The following PHACTR1 variants were observed in gnomAD, a reference collection of about 807,000 sequenced individuals.
The protein encoded by PHACTR1 is phosphatase and actin regulator 1.
PHACTR1 carries 16 observed loss-of-function variants against 69.2 expected under a neutral mutation model. That is an observed-to-expected ratio of 0.23 (90% CI 0.16 to 0.35). PHACTR1 has a LOEUF of 0.35. Ranked by LOEUF, PHACTR1 falls within the 10% of genes least tolerant of loss-of-function variation. PHACTR1 has a pLI of 1.00. For synonymous variants in PHACTR1, 312 were observed against 284.5 expected (o/e 1.10, Z -0.97); for missense variants, 510 against 734.7 (o/e 0.69, Z 3.54).
chr6:12,841,597 AT>A (rs1417452985), intron 4 of PHACTR1, among the ~76,000 whole-genome samples: 1 of 152,240 alleles, frequency 6.6e-6, no homozygotes, highest in Non-Finnish European at 1.5e-5. Context: ...GGAAAATCAA[AT>A]TTCCAGCATG....
At chr6:13,021,578 T>G (rs1800978511) in intron 4 of PHACTR1, among the ~76,000 whole-genome samples, 1 of 152,220 alleles carries the variant, frequency 6.6e-6, no homozygotes, top group African/African-American at 2.4e-5. Flanking sequence ...ACTCCATGTT[T>G]AACCATTTGA....
chr6:13,027,555 CA>C (rs869162293), intron 4 of PHACTR1, among the ~76,000 whole-genome samples: 2 of 72,732 alleles, frequency 2.7e-5, no homozygotes, highest in Non-Finnish European at 4.2e-5. Flanking sequence ...GCTCTGATTA[CA>C]CTGTGAGAAA....
At chr6:13,261,371 G>A (rs1239854550) in intron 10 of PHACTR1, among the ~76,000 whole-genome samples, 1 of 152,206 alleles carries the variant, frequency 6.6e-6, no homozygotes, top group African/African-American at 2.4e-5. Flanking sequence ...AAGTCACCAA[G>A]TAGCATCCAT....
At chr6:12,824,017 T>C (rs577534506) in intron 4 of PHACTR1, among the ~76,000 whole-genome samples, 1 of 152,156 alleles carries the variant, frequency 6.6e-6, no homozygotes, top group African/African-American at 2.4e-5. Flanking sequence ...GGAAGTGAGC[T>C]GCATAGCAGG....
At chr6:12,794,849 C>G (rs190671860) in intron 4 of PHACTR1, among the ~76,000 whole-genome samples, 4 of 151,900 alleles carry the variant, frequency 2.6e-5, no homozygotes, top group African/African-American at 9.7e-5. Flanking sequence ...GAGTGGGGAA[C>G]GTAGAGGGGA....
intron 4 of PHACTR1, among the ~76,000 whole-genome samples, chr6:12,977,766 T>C (rs1005203184): frequency 3.3e-5 from 5 of 152,198 alleles, no homozygotes; most frequent in African/African-American, 1.2e-4. Flanking sequence ...CTTTTAAAAG[T>C]GAGGCTTTTA....
intron 3 of PHACTR1, among the ~76,000 whole-genome samples, chr6:12,737,801 G>A (rs148240967): frequency 1.5e-3 from 231 of 151,994 alleles, no homozygotes; most frequent in African/African-American, 5.2e-3. Context: ...TCATTATGTT[G>A]TACAGGCTGG....
chr6:12,963,147 G>A (rs1792968411), intron 4 of PHACTR1, among the ~76,000 whole-genome samples: 1 of 152,226 alleles, frequency 6.6e-6, no homozygotes, highest in African/African-American at 2.4e-5. Flanking sequence ...TCATAGCTGA[G>A]GTATTCTCAC....
At chr6:12,768,318 G>A (rs1360052646) in intron 4 of PHACTR1, among the ~76,000 whole-genome samples, 1 of 152,010 alleles carries the variant, frequency 6.6e-6, no homozygotes, top group African/African-American at 2.4e-5. Flanking sequence ...GTTTCACCGT[G>A]TTAGACAGGA....
chr6:12,857,927 T>A (rs987035936), intron 4 of PHACTR1, among the ~76,000 whole-genome samples: 1 of 152,164 alleles, frequency 6.6e-6, no homozygotes, highest in African/African-American at 2.4e-5. Flanking sequence ...TTCACAGTCA[T>A]CTTAGTGAGG....
At position 13,058,352 on chromosome 6, in the gene PHACTR1, C is replaced by T. The variant is rs561982079; in HGVS notation, c.415+4823C>T. ...AAAATCATAAGCTGCAGGGGTTGGCCGTGGAAATCTACAATGTGTCAGAAT... is the reference window on the plus strand; with the variant it reads ...AAAATCATAAGCTGCAGGGGTTGGCTGTGGAAATCTACAATGTGTCAGAAT... On this transcript the variant is annotated intron_variant, in intron 5 of 14. Transcript: ENST00000332995. Among the ~76,000 whole-genome samples the T allele has an allele frequency of 4.7e-4, 72 of 152,096 alleles. 1 individual carries two copies. The South Asian group carries it at 0.013, about 28-fold the overall frequency.
rs962787619 is a variant in PHACTR1, at chr6:13,251,572, C to T, written c.1392-21288C>T. ...TGTGTGTTGAGTGTATTTGATGTGA[C>T]CGGAATGTGAGAAAATAAAACAAAA... is the stretch of plus-strand genomic sequence containing the variant. On this transcript the variant is annotated intron_variant, in intron 10 of 14. Transcript: ENST00000332995. Among the ~76,000 whole-genome samples, 3 of 152,082 alleles carry T rather than the reference C, an allele frequency of 2.0e-5. No homozygotes were observed. The East Asian group carries it at 5.8e-4, about 29-fold the overall frequency.
At chr6:12,717,765 G>GTACC (rs1761574503) in intron 2 of PHACTR1, 22 bp downstream of exon 2, 1 of 152,076 alleles carries the variant, frequency 6.6e-6, no homozygotes, top group Non-Finnish European at 1.5e-5. Flanking sequence ...TGCTATTGGG[G>GTACC]TACCTTTGGG....
intron 5 of PHACTR1, among the ~76,000 whole-genome samples, chr6:13,107,940 T>C (rs1027507676): frequency 1.1e-4 from 16 of 152,134 alleles, no homozygotes; most frequent in African/African-American, 3.6e-4. Flanking sequence ...GGAATTCAAT[T>C]TGATTTCGCT....
chr6:13,284,004 G>A lies in PHACTR1; in HGVS notation c.1650+442G>A, dbSNP rs76255861. The A allele has an allele frequency of 3.6e-4, 61 of 167,156 alleles. No individual in the cohort carries two copies. The East Asian group carries it at 9.7e-3, about 27-fold the overall frequency. 10.4% of individuals were successfully genotyped at this position (167,156 alleles called of 1,614,324 possible). On this transcript the variant is annotated intron_variant, in intron 13 of 14. Transcript: ENST00000332995. Reference sequence around the variant, plus strand: ...GAAATAGGGCATAAATCAAAGAGACGTCGCAAAACATATCTCACTGCACTA... The same window carrying A: ...GAAATAGGGCATAAATCAAAGAGACATCGCAAAACATATCTCACTGCACTA...
chr6:13,193,371 A>ATATATATATATATAT lies in PHACTR1; in HGVS notation c.664+10699_664+10700insTTATATATATATATA, dbSNP rs1274719440. Among the ~76,000 whole-genome samples the ATATATATATATATAT allele has an allele frequency of 8.4e-4, 89 of 106,502 alleles. 7 individuals carry two copies. The highest frequency in any genetic ancestry group is 4.0e-3 in the Admixed American group (43 of 10,752). 69.9% of individuals were successfully genotyped at this position (106,502 alleles called of 152,430 possible). On this transcript the variant is annotated intron_variant, in intron 7 of 14. Coordinates refer to ENST00000332995, the MANE Select transcript of PHACTR1 (RefSeq NM_030948.6). ...TAGCTCTCTGTGTATATATATATAT[A>ATATATATATATATAT]TATATATATATATAGTTTTGGGGAG... is the stretch of plus-strand genomic sequence containing the variant.
chr6:13,221,862 C>G (rs1008664638), intron 8 of PHACTR1, among the ~76,000 whole-genome samples: 2 of 152,114 alleles, frequency 1.3e-5, no homozygotes, highest in African/African-American at 4.8e-5. Context: ...ATGGTGAAAC[C>G]CTGCCTCTAC....
chr6:13,200,999 CA>C (rs1247263008), intron 7 of PHACTR1, among the ~76,000 whole-genome samples: 1 of 151,394 alleles, frequency 6.6e-6, no homozygotes, highest in East Asian at 1.9e-4. Flanking sequence ...TGCTGGAACC[CA>C]ACCTAGAATC....
intron 5 of PHACTR1, among the ~76,000 whole-genome samples, chr6:13,155,628 G>A (rs1313527046): frequency 2.0e-5 from 3 of 152,170 alleles, no homozygotes; most frequent in South Asian, 2.1e-4. Flanking sequence ...AGTGGCTCAC[G>A]CCTGTAATCC....
Sources: gnomAD v4.1 joint callset for allele counts (sites outside exome capture counted in the v4.1 genomes callset) on GRCh38, gnomAD v4.1.1 for gene constraint, MANE v1.5 for transcripts, NCBI Gene and HGNC (gene_info 2026-07-23, HGNC 2026-07-21) for gene names.